The following CNTN5 variants were observed in gnomAD, a reference collection of about 807,000 sequenced individuals.
The protein encoded by CNTN5 is contactin-5.
CNTN5 carries 77 observed loss-of-function variants against 129.1 expected under a neutral mutation model. The observed-to-expected ratio is 0.60, with a 90% CI of 0.50 to 0.72. The LOEUF (loss-of-function observed/expected upper bound fraction) is 0.72. Among genes scored for constraint, CNTN5 ranks in the 30% least tolerant of loss-of-function variants. The probability of loss-of-function intolerance (pLI) is 0.00; values close to 1 mark genes in which losing one functional copy is unlikely to be tolerated. For missense variants in CNTN5, 1,478 were observed against 1,328.8 expected, an observed-to-expected ratio of 1.11 and a Z score of -1.75; for synonymous variants, 509 against 465.6, an observed-to-expected ratio of 1.09 and a Z score of -1.20.
chr11:100,023,732 A>G (rs1028612788), intron 9 of CNTN5, among the ~76,000 whole-genome samples: 67 of 152,282 alleles, frequency 4.4e-4, no homozygotes, highest in African/African-American at 1.5e-3. Flanking sequence ...CCTCTTCCAG[A>G]ATATCATATG....
chr11:100,300,158 G>A (rs928362395), intron 20 of CNTN5, among the ~76,000 whole-genome samples: 1 of 151,412 alleles, frequency 6.6e-6, no homozygotes, highest in Admixed American at 6.6e-5. Flanking sequence ...CTGTAAAGTG[G>A]TTATACTCAA....
intron 13 of CNTN5, among the ~76,000 whole-genome samples, chr11:100,129,341 T>C (rs1300659236): frequency 1.3e-5 from 2 of 152,168 alleles, no homozygotes; most frequent in African/African-American, 4.8e-5. Context: ...AGTAGATTTG[T>C]CTTAATCTTG....
At chr11:99,345,872 G>C (rs1011566276) in intron 2 of CNTN5, among the ~76,000 whole-genome samples, 3 of 151,920 alleles carry the variant, frequency 2.0e-5, no homozygotes, top group African/African-American at 7.3e-5. Flanking sequence ...TTTTCCCAAA[G>C]GTAAGAGTAA....
At chr11:99,885,286 T>TA (rs973728080) in intron 6 of CNTN5, among the ~76,000 whole-genome samples, 26 of 148,962 alleles carry the variant, frequency 1.7e-4, no homozygotes, top group Non-Finnish European at 1.3e-4. Context: ...TGTCTCAAAA[T>TA]AAAAAAAAGA....
At chr11:100,084,122 A>C (rs757776737) in intron 13 of CNTN5, among the ~76,000 whole-genome samples, 1 of 152,126 alleles carries the variant, frequency 6.6e-6, no homozygotes, top group Non-Finnish European at 1.5e-5. Context: ...ACCATGGTTC[A>C]TTTACCCCAG....
intron 2 of CNTN5, among the ~76,000 whole-genome samples, chr11:99,522,422 C>A (rs1252384133): frequency 6.6e-6 from 1 of 151,992 alleles, no homozygotes; most frequent in Non-Finnish European, 1.5e-5. Context: ...AAATACTATA[C>A]ATTTTTTTCA....
At chr11:100,131,330 T>C (rs1420670350) in intron 13 of CNTN5, among the ~76,000 whole-genome samples, 1 of 151,968 alleles carries the variant, frequency 6.6e-6, no homozygotes, top group Non-Finnish European at 1.5e-5. Flanking sequence ...CAACAAACCT[T>C]GATATGGATT....
At chr11:100,285,830 T>C (rs968265908) in intron 18 of CNTN5, among the ~76,000 whole-genome samples, 5 of 152,154 alleles carry the variant, frequency 3.3e-5, no homozygotes. Context: ...ATTTCTGCAT[T>C]TCCATCTGAG....
At chr11:99,400,046 T>C (rs1691442927) in intron 2 of CNTN5, among the ~76,000 whole-genome samples, 1 of 152,036 alleles carries the variant, frequency 6.6e-6, no homozygotes, top group African/African-American at 2.4e-5. Flanking sequence ...CTTTTAGTAC[T>C]TTTAAAACAT....
intron 16 of CNTN5, among the ~76,000 whole-genome samples, chr11:100,246,968 A>T (rs1949853280): frequency 1.3e-5 from 2 of 152,204 alleles, no homozygotes; most frequent in Admixed American, 1.3e-4. Flanking sequence ...TTGTACCTAA[A>T]ATCTAAAGAG....
intron 13 of CNTN5, among the ~76,000 whole-genome samples, chr11:100,165,493 T>A (rs1947600267): frequency 1.3e-5 from 2 of 151,950 alleles, no homozygotes; most frequent in East Asian, 3.9e-4. Context: ...TTGTAAATAA[T>A]GACATATAGG....
chr11:100,228,350 A>C (rs1425247422), intron 16 of CNTN5, among the ~76,000 whole-genome samples: 5 of 152,190 alleles, frequency 3.3e-5, no homozygotes. Flanking sequence ...CGAATGAATT[A>C]AGCTCAGGAT....
chr11:99,948,398 G>C (rs1347923359), intron 7 of CNTN5, among the ~76,000 whole-genome samples: 1 of 152,152 alleles, frequency 6.6e-6, no homozygotes, highest in Non-Finnish European at 1.5e-5. Flanking sequence ...ATGGCATTGT[G>C]ACCATGGTTT....
intron 1 of CNTN5, among the ~76,000 whole-genome samples, chr11:99,211,754 C>T (rs1050836485): frequency 5.9e-5 from 9 of 151,832 alleles, no homozygotes; most frequent in Admixed American, 5.9e-4. Flanking sequence ...TTAAGTATCT[C>T]CTTTTAATGT....
intron 1 of CNTN5, among the ~76,000 whole-genome samples, chr11:99,204,550 T>C (rs1194157642): frequency 2.0e-5 from 3 of 152,344 alleles, no homozygotes; most frequent in Non-Finnish European, 2.9e-5. Context: ...ACTTTCTTTT[T>C]TCTTTTGCCA....
chr11:100,214,518 G>A (rs548782043), intron 15 of CNTN5, among the ~76,000 whole-genome samples: 81 of 152,266 alleles, frequency 5.3e-4, no homozygotes, highest in African/African-American at 1.9e-3. Flanking sequence ...TGAATAATGT[G>A]TTGCCCACAT....
rs376600163 is a variant in CNTN5, at chr11:99,345,291, G to T, written c.-71+19807G>T. Among the ~76,000 whole-genome samples, 26 of 152,236 alleles carry T rather than the reference G, an allele frequency of 1.7e-4. No homozygotes were observed. In the East Asian group the frequency reaches 2.9e-3, roughly 17 times the overall value. ...TTTTTCTAATGAATTATACACTGTT[G>T]TTGAGGGGGATATAATCTTTTTAGT... On this transcript the variant is annotated intron_variant, in intron 2 of 24. Transcript: ENST00000524871.
At chr11:100,048,650 CA>C (rs1363811445) in intron 9 of CNTN5, among the ~76,000 whole-genome samples, 2 of 151,636 alleles carry the variant, frequency 1.3e-5, no homozygotes, top group Non-Finnish European at 2.9e-5. Context: ...TAGAGCATTA[CA>C]AACTGTAAAA....
chr11:100,314,325 T>G (rs73565612), intron 21 of CNTN5, among the ~76,000 whole-genome samples: 2,777 of 152,262 alleles, frequency 0.018, 102 homozygotes, highest in African/African-American at 0.063. Context: ...CAGAAAACTC[T>G]TTTAGCCTCA....
Sources: allele counts gnomAD v4.1 joint callset (sites outside exome capture counted in the v4.1 genomes callset), GRCh38; gene constraint gnomAD v4.1.1; transcripts MANE v1.5; gene names NCBI Gene and HGNC (gene_info 2026-07-23, HGNC 2026-07-21).